The following EDRF1 variants were observed in gnomAD, a reference collection of about 807,000 sequenced individuals.
The protein encoded by EDRF1 is erythroid differentiation regulatory factor 1, also known as erythroid differentiation-related factor 1.
EDRF1 carries 69 observed loss-of-function variants against 148.7 expected under a neutral mutation model. The observed-to-expected ratio is 0.46, with a 90% confidence interval of 0.38 to 0.57. The LOEUF is 0.57. Ranked by LOEUF, EDRF1 falls within the 20% of genes least tolerant of loss-of-function variation. The pLI is 0.00. For missense variants in EDRF1, 1,118 were observed against 1,478.7 expected (o/e 0.76, Z 4.00); for synonymous variants, 515 against 532.8 (o/e 0.97, Z 0.46).
chr10:125,735,916 G>C lies in EDRF1; in HGVS notation c.1758+12G>C, dbSNP rs1379135676. ...TTCATCAAATCAGAGTAAGCCTTTAGAATTTATATTAAATTTTTATCAAGG... is the reference window on the plus strand; with the variant it reads ...TTCATCAAATCAGAGTAAGCCTTTACAATTTATATTAAATTTTTATCAAGG... On this transcript the variant is annotated intron_variant, in intron 13 of 24. Transcript: ENST00000356792. 1 of 1,590,138 alleles carries C rather than the reference G, an allele frequency of 6.3e-7. No individual in the cohort carries two copies. The highest frequency in any genetic ancestry group is 8.6e-7 in the Non-Finnish European group (1 of 1,162,444).
rs1039037870 is a variant in EDRF1, at chr10:125,725,216, A to G, written c.511-102A>G. On this transcript the variant is annotated intron_variant, in intron 4 of 24. Coordinates refer to ENST00000356792, the MANE Select transcript of EDRF1 (RefSeq NM_001202438.2). ...TTTTTAATGAGTATGTGTTTATGAA[A>G]CTATTCAAAAAATAATAGGAGCCTT... The G allele has an allele frequency of 6.6e-6, 9 of 1,362,430 alleles. No homozygotes were observed. In the African/African-American group the frequency reaches 1.3e-4, roughly 20 times the overall value. The allele number at this position is 1,362,430 out of a possible 1,614,324, so 84.4% of individuals were successfully genotyped here.
chr10:125,744,777 A>G (rs142052164), intron 18 of EDRF1: 17 of 152,334 alleles, frequency 1.1e-4, no homozygotes, highest in African/African-American at 3.8e-4. Flanking sequence ...GAAGAGGGTT[A>G]TACTTAAGTG....
chr10:125,747,384 T>TA lies in EDRF1; in HGVS notation c.2815-151dup, dbSNP rs1344862099. ...CTTCATTGAAATATTTTCATTGACT[T>TA]ACTTTTTTCATTTCCTCATAATATT... is the stretch of plus-strand genomic sequence containing the variant. On this transcript the variant is annotated intron_variant, in intron 19 of 24. Coordinates refer to ENST00000356792, the MANE Select transcript of EDRF1 (RefSeq NM_001202438.2). The TA allele has an allele frequency of 5.7e-6, 5 of 877,488 alleles. No homozygotes were observed. The African/African-American group carries it at 8.4e-5, about 15-fold the overall frequency. 54.4% of individuals were successfully genotyped at this position (877,488 alleles called of 1,614,324 possible). A position where few individuals can be genotyped will look rare whatever the true frequency, so the allele number is the denominator to read the frequency against.
In EDRF1 at chr10:125,733,730, A is replaced by G. The variant is rs776878436; in HGVS notation, c.1372A>G (p.Ile458Val). ...AAATCCATTCACAATGCCGGTAGCC[A>G]TTCTCTTGTACAAGTGAGTGCTTTA... is the stretch of plus-strand genomic sequence containing the variant. ...YQNPFTMPVA[I>V]LLYKVACNMM... Residue 458 changes from isoleucine to valine, a missense_variant, in exon 11 of 25, where the codon ATT (isoleucine) becomes GTT (valine). By Grantham distance (29) the Ile-to-Val change is conservative. Coordinates refer to ENST00000356792, the MANE Select transcript of EDRF1 (RefSeq NM_001202438.2). 1.9e-6 allele frequency: 3 copies of G among 1,612,656 alleles called. No homozygotes were observed. Among genetic ancestry groups the G allele is most frequent in the East Asian group, 2.2e-5 (1 of 44,824 alleles).
At chr10:125,743,968 T>C (rs1342792428) in intron 18 of EDRF1, among the ~76,000 whole-genome samples, 2 of 152,122 alleles carry the variant, frequency 1.3e-5, no homozygotes, top group African/African-American at 4.8e-5. Context: ...TGGGCCCATG[T>C]TGAATTTGAG....
chr10:125,726,734 T>C (rs1455934018), intron 6 of EDRF1, among the ~76,000 whole-genome samples: 1 of 152,206 alleles, frequency 6.6e-6, no homozygotes, highest in Non-Finnish European at 1.5e-5. Context: ...ATAATGAATT[T>C]AAATTTCTTT....
chr10:125,720,042 CAG>C (rs1163224613), intron 1 of EDRF1, 127 bp downstream of exon 1: 42 of 798,712 alleles, frequency 5.3e-5, no homozygotes, highest in Non-Finnish European at 7.8e-5. Flanking sequence ...ACCCCCAAAA[CAG>C]GGAGTTGAAG....
In EDRF1 at chr10:125,763,799, GAT is replaced by G; in HGVS notation, c.*330_*331del. On this transcript the variant is annotated 3_prime_UTR_variant, in exon 25 of 25. Transcript: ENST00000356792. This position sits in a 1 kb window ranked among gnomAD's most constrained non-coding sequence, Gnocchi z 4.3. The stretch of plus-strand genomic sequence containing the variant: ...AGTATGTCAAGCTACACGGGTCTAA[GAT>G]ATGATTATTTTGGATAAAATGTTAC... 2.8e-6 allele frequency: 1 copy of G among 354,444 alleles called. No homozygotes were observed. The highest frequency in any genetic ancestry group is 2.7e-5 in the South Asian group (1 of 36,416). The allele number at this position is 354,444 out of a possible 1,614,324, so 22.0% of individuals were successfully genotyped here.
At chr10:125,723,768 T>C (rs1281972630) in intron 3 of EDRF1, 43 bp from the exon 4 acceptor site, 1 of 1,572,778 alleles carries the variant, frequency 6.4e-7, no homozygotes, top group African/African-American at 1.4e-5. Context: ...CAAATCACAC[T>C]AAAACAGTCT....
chr10:125,758,513 T>C (rs1850027168), intron 24 of EDRF1, among the ~76,000 whole-genome samples: 1 of 152,066 alleles, frequency 6.6e-6, no homozygotes, highest in African/African-American at 2.4e-5. Context: ...GTGTGGGAAG[T>C]GGAATTCATT....
chr10:125,736,118 A>G (rs754887502), intron 13 of EDRF1, among the ~76,000 whole-genome samples: 4 of 152,158 alleles, frequency 2.6e-5, no homozygotes, highest in Non-Finnish European at 4.4e-5. Flanking sequence ...AGGTGTGTAA[A>G]CCAGGTGTCT....
chr10:125,724,588 C>T (rs946489906), intron 4 of EDRF1, among the ~76,000 whole-genome samples: 2 of 152,122 alleles, frequency 1.3e-5, no homozygotes, highest in African/African-American at 4.8e-5. Flanking sequence ...CCTAATGACG[C>T]GCTTCTCAGA....
intron 13 of EDRF1, among the ~76,000 whole-genome samples, chr10:125,737,679 G>A (rs781035414): frequency 2.0e-5 from 3 of 152,180 alleles, no homozygotes; most frequent in Non-Finnish European, 4.4e-5. Context: ...TATGAGTGGA[G>A]CTGACCTATT....
chr10:125,738,131 G>A, intron 14 of EDRF1, 142 bp downstream of exon 14: 1 of 1,357,198 alleles, frequency 7.4e-7, no homozygotes, highest in Non-Finnish European at 1.0e-6. Flanking sequence ...GTGAAAATCA[G>A]ATTTGTTTTT....
At chr10:125,740,337 A>C (rs1244510623) in intron 15 of EDRF1, 126 bp from the exon 16 acceptor site, 2 of 981,614 alleles carry the variant, frequency 2.0e-6, no homozygotes, top group Non-Finnish European at 3.1e-6. Flanking sequence ...GCAGTAAAGC[A>C]TAGTATTTAC....
chr10:125,735,349 C>G (rs1848675147), intron 12 of EDRF1, among the ~76,000 whole-genome samples: 1 of 152,106 alleles, frequency 6.6e-6, no homozygotes, highest in Non-Finnish European at 1.5e-5. Context: ...TTATGACACT[C>G]TGTACTCAAA....
rs749776386 is a variant in EDRF1, at chr10:125,736,025, A to G, written c.1758+121A>G. The G allele has an allele frequency of 4.4e-4, 435 of 996,624 alleles. 1 individual carries two copies. Among genetic ancestry groups the G allele is most frequent in the Middle Eastern group, 6.6e-4 (2 of 3,034 alleles). The allele number at this position is 996,624 out of a possible 1,614,324, so 61.7% of individuals were successfully genotyped here. On this transcript the variant is annotated intron_variant, in intron 13 of 24. Transcript: ENST00000356792. ...ACCTTTCATGGTCTAGCATCTAGTA[A>G]TCATTAGTTTTCTGAATTCTTAAAG...
chr10:125,719,825 G>C lies in EDRF1; in HGVS notation c.18G>C (p.Glu6Asp), dbSNP rs202048511. 2.5e-6 allele frequency: 4 copies of C among 1,611,658 alleles called. No individual in the cohort carries two copies. In the East Asian group the frequency reaches 8.9e-5, roughly 36 times the overall value. The change falls in exon 1 of 25, where the codon GAG becomes GAC. Residue 6 changes from glutamate (E) to aspartate (D), a missense_variant. Transcript: ENST00000356792. ...TCGAAGTGATGGGGGATGCCAAGGAGGCCGGAGCCGAGGGTCCGCCGGCCG... is the reference window on the plus strand; with the variant it reads ...TCGAAGTGATGGGGGATGCCAAGGACGCCGGAGCCGAGGGTCCGCCGGCCG... MGDAK[E>D]AGAEGPPAGA...
At chr10:125,721,128 T>C (rs1004493540) in intron 1 of EDRF1, 76 bp from the exon 2 acceptor site, 2 of 1,426,436 alleles carry the variant, frequency 1.4e-6, no homozygotes, top group Non-Finnish European at 2.0e-6. Context: ...TGACAGGTTC[T>C]TGTTTTCTTT....
Sources: gnomAD v4.1 joint callset for allele counts (sites outside exome capture counted in the v4.1 genomes callset) on GRCh38, gnomAD v4.1.1 for gene constraint, Gnocchi (gnomAD v3.1) non-coding constraint, MANE v1.5 for transcripts, NCBI Gene and HGNC (gene_info 2026-07-23, HGNC 2026-07-21) for gene names.